Variants in PKP1 observed in about 807,000 individuals in gnomAD.
PKP1 encodes the protein plakophilin-1.
Under a neutral mutation model 76.4 loss-of-function variants are expected in PKP1, and 27 were observed. That is an observed-to-expected ratio of 0.35 (90% CI 0.26 to 0.49). The LOEUF (loss-of-function observed/expected upper bound fraction) is 0.49. Among genes scored for constraint, PKP1 ranks in the 20% least tolerant of loss-of-function variants. The pLI is 0.99. For synonymous variants in PKP1, 404 were observed against 384.2 expected, an observed-to-expected ratio of 1.05 and a Z score of -0.60; for missense variants, 964 against 955.2, an observed-to-expected ratio of 1.01 and a Z score of -0.12.
intron 12 of PKP1, among the ~76,000 whole-genome samples, chr1:201,327,550 T>A (rs854509): frequency 0.54 from 82,118 of 151,918 alleles, 24,169 homozygotes; most frequent in East Asian, 0.74. Context: ...AGGACTGGTG[T>A]GAGCTTCCTC....
intron 2 of PKP1, among the ~76,000 whole-genome samples, chr1:201,304,669 A>G (rs1160202925): frequency 6.6e-6 from 1 of 152,218 alleles, no homozygotes; most frequent in African/African-American, 2.4e-5. Context: ...AGTCGGGGCC[A>G]GCAACTGGCC....
chr1:201,302,092 C>G (rs549663460), intron 2 of PKP1, among the ~76,000 whole-genome samples: 10 of 152,326 alleles, frequency 6.6e-5, no homozygotes, highest in African/African-American at 2.4e-4. Flanking sequence ...TGCTCCAACC[C>G]GCGGCACCTG....
intron 2 of PKP1, among the ~76,000 whole-genome samples, chr1:201,305,107 T>C (rs761368955): frequency 6.6e-6 from 1 of 152,148 alleles, no homozygotes; most frequent in Non-Finnish European, 1.5e-5. Context: ...GGAGTGCATA[T>C]AGAAGTGTGT....
intron 1 of PKP1, among the ~76,000 whole-genome samples, chr1:201,292,533 G>A (rs112224545): frequency 1.3e-5 from 2 of 152,146 alleles, no homozygotes; most frequent in Admixed American, 6.5e-5. Context: ...GAGGTGGCAC[G>A]AGGTGGGGAT....
chr1:201,310,216 C>G (rs1407645124), intron 2 of PKP1, among the ~76,000 whole-genome samples: 1 of 152,210 alleles, frequency 6.6e-6, no homozygotes. Context: ...ATGTCCCTAC[C>G]GAGCAAACAC....
chr1:201,315,067 C>T (rs1461444551), intron 3 of PKP1, among the ~76,000 whole-genome samples: 1 of 152,264 alleles, frequency 6.6e-6, no homozygotes, highest in East Asian at 1.9e-4. Flanking sequence ...CGTTTCCGAA[C>T]TACCTGATGG....
chr1:201,318,854 G>T, intron 6 of PKP1, 59 bp downstream of exon 6: 2 of 1,413,438 alleles, frequency 1.4e-6, no homozygotes, highest in Non-Finnish European at 2.0e-6. Context: ...TCCCCAGGCA[G>T]CCCCATCTCA....
At chr1:201,329,104 C>T (rs576331677) in intron 13 of PKP1, among the ~76,000 whole-genome samples, 1 of 152,256 alleles carries the variant, frequency 6.6e-6, no homozygotes, top group South Asian at 2.1e-4. Context: ...AGGGTCTGGG[C>T]AGGACTGCTA....
intron 1 of PKP1, among the ~76,000 whole-genome samples, chr1:201,286,589 G>T (rs969500544): frequency 1.3e-5 from 2 of 152,226 alleles, no homozygotes; most frequent in Non-Finnish European, 2.9e-5. Flanking sequence ...AAATGCCACA[G>T]ATCAGACAAG....
chr1:201,311,455 T>A (rs1323534247), intron 2 of PKP1, among the ~76,000 whole-genome samples: 2 of 152,224 alleles, frequency 1.3e-5, no homozygotes, highest in Non-Finnish European at 2.9e-5. Flanking sequence ...ATGAGCAGGC[T>A]ATTGCCAAGG....
At chr1:201,324,682 A>G in intron 10 of PKP1, 101 bp downstream of exon 10, 4 of 1,446,610 alleles carry the variant, frequency 2.8e-6, no homozygotes, top group Non-Finnish European at 2.9e-6. Context: ...CCCTGGGATG[A>G]GCATTCCAAG....
intron 2 of PKP1, among the ~76,000 whole-genome samples, chr1:201,306,454 C>T (rs746353906): frequency 2.0e-5 from 3 of 152,232 alleles, no homozygotes; most frequent in Non-Finnish European, 4.4e-5. Flanking sequence ...TGTGGCCTCA[C>T]TGGAGAAAGA....
chr1:201,294,611 A>T (rs556482651), intron 2 of PKP1, among the ~76,000 whole-genome samples: 2 of 152,234 alleles, frequency 1.3e-5, no homozygotes, highest in Non-Finnish European at 2.9e-5. Flanking sequence ...GCTTCTTCAC[A>T]TGGAAAGTGG....
intron 2 of PKP1, among the ~76,000 whole-genome samples, chr1:201,298,051 TCACTATGTCTCCC>T (rs199701318): frequency 0.018 from 2,815 of 152,334 alleles, 30 homozygotes; most frequent in Middle Eastern, 0.034. Flanking sequence ...CAACCCTCTG[TCACTATGTCTCCC>T]CACTCATTCC....
intron 2 of PKP1, among the ~76,000 whole-genome samples, chr1:201,307,567 C>T (rs1656408989): frequency 1.3e-5 from 2 of 152,180 alleles, no homozygotes; most frequent in Admixed American, 6.5e-5. Flanking sequence ...CTCTCCAAAC[C>T]CCTAGAGAGG....
At chr1:201,322,275 G>A in intron 8 of PKP1, 142 bp downstream of exon 8, 2 of 859,906 alleles carry the variant, frequency 2.3e-6, no homozygotes, top group Non-Finnish European at 3.6e-6. Flanking sequence ...CCTTGGCCTG[G>A]GGCTCAGGGT....
At position 201,331,983 on chromosome 1, in the gene PKP1, A is replaced by T. The variant is rs12120834; in HGVS notation, c.*1942A>T. On this transcript the variant is annotated 3_prime_UTR_variant, in exon 14 of 14. Coordinates refer to ENST00000367324, the MANE Select transcript of PKP1 (RefSeq NM_001005337.3). Reference sequence around the variant, plus strand: ...TCTTCTCCTAAAAAATACGTATGGCATACCAATCTGTGCGGGGCAGTGTCC... The same window carrying T: ...TCTTCTCCTAAAAAATACGTATGGCTTACCAATCTGTGCGGGGCAGTGTCC... 6.6e-6 allele frequency: 1 copy of T among 152,362 alleles called. No individual in the cohort carries two copies. Among genetic ancestry groups the T allele is most frequent in the Non-Finnish European group, 1.5e-5 (1 of 68,212 alleles). 9.4% of individuals were successfully genotyped at this position (152,362 alleles called of 1,614,324 possible). A position where few individuals can be genotyped will look rare whatever the true frequency, so the allele number is the denominator to read the frequency against.
chr1:201,321,289 A>T (rs1397393324), intron 7 of PKP1, among the ~76,000 whole-genome samples: 3 of 152,194 alleles, frequency 2.0e-5, no homozygotes, highest in Non-Finnish European at 2.9e-5. Flanking sequence ...CAAGCCCTGG[A>T]AGTCAGATTC....
At chr1:201,325,379 G>T (rs935150537) in intron 11 of PKP1, among the ~76,000 whole-genome samples, 1 of 152,074 alleles carries the variant, frequency 6.6e-6, no homozygotes, top group Non-Finnish European at 1.5e-5. Context: ...GGGGACTCGG[G>T]GGCACAAGGT....
Sources: gnomAD v4.1 joint callset for allele counts (sites outside exome capture counted in the v4.1 genomes callset) on GRCh38, gnomAD v4.1.1 for gene constraint, MANE v1.5 for transcripts, NCBI Gene and HGNC (gene_info 2026-07-23, HGNC 2026-07-21) for gene names.